TNFRSF14: variants seen among roughly 807,000 people sequenced by gnomAD.
TNFRSF14 encodes the protein TNF receptor superfamily member 14, also known as tumor necrosis factor receptor superfamily member 14.
TNFRSF14 carries 18 observed loss-of-function variants against 34.1 expected under a neutral mutation model. That is an observed-to-expected ratio of 0.53 (90% CI 0.36 to 0.78). The LOEUF (loss-of-function observed/expected upper bound fraction) is 0.78, where lower values mean the gene tolerates loss of function less well. TNFRSF14 is among the 30% of genes least tolerant of loss of function. TNFRSF14 has a pLI of 0.00. For synonymous variants in TNFRSF14, 157 were observed against 153.2 expected, an observed-to-expected ratio of 1.02 and a Z score of -0.18; for missense variants, 352 against 379.5, an observed-to-expected ratio of 0.93 and a Z score of 0.60.
intron 3 of TNFRSF14, chr1:2,558,949 AG>A: frequency 7.3e-7 from 1 of 1,365,488 alleles, no homozygotes; most frequent in South Asian, 1.2e-5. Flanking sequence ...GAGTCCAGGC[AG>A]ACAGAAAGGG....
chr1:2,558,542 C>T lies in TNFRSF14; in HGVS notation c.304+74C>T, dbSNP rs191066766. 2.2e-4 allele frequency: 349 copies of T among 1,589,920 alleles called. 1 individual carries two copies. The highest frequency in any genetic ancestry group is 3.6e-4 in the Admixed American group (19 of 53,346). On this transcript the variant is annotated intron_variant, in intron 3 of 7. Transcript: ENST00000355716. ...GCCCCCGCACCCTGCACCCTCTCTCCATGGCCACAGTGCCCCAGGAAGGCC... is the reference window on the plus strand; with the variant it reads ...GCCCCCGCACCCTGCACCCTCTCTCTATGGCCACAGTGCCCCAGGAAGGCC...
At position 2,563,464 on chromosome 1, in the gene TNFRSF14, A is replaced by C; in HGVS notation, c.*191A>C. The C allele has an allele frequency of 1.2e-6, 1 of 868,074 alleles. No homozygotes were observed. Among genetic ancestry groups the C allele is most frequent in the Non-Finnish European group, 1.7e-6 (1 of 583,832 alleles). The allele number at this position is 868,074 out of a possible 1,614,324, so 53.8% of individuals were successfully genotyped here. A position where few individuals can be genotyped will look rare whatever the true frequency, so the allele number is the denominator to read the frequency against. The stretch of plus-strand genomic sequence containing the variant: ...GCTGGGGACGCCACGTGCCATTCCC[A>C]TGGGCCAGTGAGGGCCTGGGGCCTC... On this transcript the variant is annotated 3_prime_UTR_variant, in exon 8 of 8. Coordinates refer to ENST00000355716, the MANE Select transcript of TNFRSF14 (RefSeq NM_003820.4).
upstream of TNFRSF14, chr1:2,556,343 C>T (rs1292206891): frequency 1.6e-6 from 1 of 623,108 alleles, no homozygotes; most frequent in South Asian, 1.5e-5. Flanking sequence ...AGGGGGAGAA[C>T]TCGCCCCTCC....
chr1:2,558,579 A>T (rs1644254715), intron 3 of TNFRSF14, 111 bp downstream of exon 3: 1 of 1,564,690 alleles, frequency 6.4e-7, no homozygotes, highest in Admixed American at 2.0e-5. Context: ...CGGCTGCCCC[A>T]GGCCAGGTCC....
intron 3 of TNFRSF14, chr1:2,559,587 C>T (rs1644273986): frequency 6.5e-7 from 1 of 1,531,764 alleles, no homozygotes; most frequent in Non-Finnish European, 8.7e-7. Flanking sequence ...CAACGAAGCC[C>T]TCCCAGGACC....
intron 3 of TNFRSF14, 116 bp from the exon 4 acceptor site, chr1:2,559,707 G>A (rs1216636237): frequency 2.6e-6 from 4 of 1,536,536 alleles, no homozygotes; most frequent in Non-Finnish European, 3.5e-6. Flanking sequence ...CTGAGCCAGG[G>A]GTTCAGCCTG....
chr1:2,563,511 C>T lies in TNFRSF14; in HGVS notation c.*238C>T, dbSNP rs549074881. ...CCTCTGTTCTGCTGTGGCCTGAGCT[C>T]CCCAGAGTCCTGAGGAGGAGCGCCA... is the stretch of plus-strand genomic sequence containing the variant. On this transcript the variant is annotated 3_prime_UTR_variant, in exon 8 of 8. Transcript: ENST00000355716. 5 of 564,676 alleles carry T rather than the reference C, an allele frequency of 8.9e-6. No homozygotes were observed. Among genetic ancestry groups the T allele is most frequent in the Admixed American group, 6.7e-5 (2 of 29,856 alleles). The allele number at this position is 564,676 out of a possible 1,614,324, so 35.0% of individuals were successfully genotyped here. A position where few individuals can be genotyped will look rare whatever the true frequency, so the allele number is the denominator to read the frequency against.
upstream of TNFRSF14, chr1:2,555,070 A>T (rs1278884575): frequency 2.0e-5 from 3 of 151,770 alleles, no homozygotes; most frequent in African/African-American, 7.3e-5. This position sits in a 1 kb window ranked among gnomAD's most constrained non-coding sequence, Gnocchi z 6.3. Flanking sequence ...GAAACAGCAG[A>T]TGGGGCTCCT....
At chr1:2,560,152 G>A (rs1644286411) in intron 4 of TNFRSF14, among the ~76,000 whole-genome samples, 174 bp downstream of exon 4, 1 of 152,184 alleles carries the variant, frequency 6.6e-6, no homozygotes, top group Non-Finnish European at 1.5e-5. Context: ...CAGCCCAGTG[G>A]GGAACAGGTG....
At position 2,557,728 on chromosome 1, in the gene TNFRSF14, G is replaced by T. The variant is rs11573970; in HGVS notation, c.72G>T (p.Val24=). ...STPKTDVLRL[V]LYLTFLGAPC... Reference sequence around the variant, plus strand: ...AATGCCTGTCCTGACCCCCTTAGGTGCTGTATCTCACCTTCCTGGGAGCCC... The same window carrying T: ...AATGCCTGTCCTGACCCCCTTAGGTTCTGTATCTCACCTTCCTGGGAGCCC... The change falls in exon 2 of 8, where the codon GTG becomes GTT. Residue 24 remains valine (V), a splice_region_variant and synonymous_variant. Transcript: ENST00000355716. 24 of 1,605,930 alleles carry T rather than the reference G, an allele frequency of 1.5e-5. No individual in the cohort carries two copies. In the East Asian group the frequency reaches 1.6e-4, roughly 11 times the overall value.
chr1:2,559,563 C>T (rs1644273300), intron 3 of TNFRSF14: 1 of 1,524,494 alleles, frequency 6.6e-7, no homozygotes, highest in South Asian at 1.2e-5. Context: ...GGGCAGAAGG[C>T]TGGTTTCTCC....
chr1:2,559,219 G>A, intron 3 of TNFRSF14: 1 of 1,369,984 alleles, frequency 7.3e-7, no homozygotes, highest in Non-Finnish European at 9.6e-7. Flanking sequence ...CATGTAGGCT[G>A]GGATTTGGGG....
chr1:2,556,441 C>T lies in TNFRSF14; in HGVS notation c.-224C>T, dbSNP rs1431499770. 5 of 697,724 alleles carry T rather than the reference C, an allele frequency of 7.2e-6. No homozygotes were observed. Among genetic ancestry groups the T allele is most frequent in the South Asian group, 3.0e-5 (2 of 66,724 alleles). The allele number at this position is 697,724 out of a possible 1,614,324, so 43.2% of individuals were successfully genotyped here. A position where few individuals can be genotyped will look rare whatever the true frequency, so the allele number is the denominator to read the frequency against. On this transcript the variant is annotated 5_prime_UTR_variant, in exon 1 of 8. Coordinates refer to ENST00000355716, the MANE Select transcript of TNFRSF14 (RefSeq NM_003820.4). Reference sequence around the variant, plus strand: ...CGCAGGGCCCACCTGTGTCCCCCAGCGCCGCTCCACCCAGCAGGCCTGAGC... The same window carrying T: ...CGCAGGGCCCACCTGTGTCCCCCAGTGCCGCTCCACCCAGCAGGCCTGAGC...
intron 6 of TNFRSF14, 170 bp from the exon 7 acceptor site, chr1:2,562,695 C>A (rs1018888995): frequency 2.3e-6 from 2 of 880,506 alleles, no homozygotes; most frequent in Middle Eastern, 2.7e-4. Context: ...GGCTAGCAGT[C>A]CCAACACAGT....
chr1:2,557,923 C>A, intron 2 of TNFRSF14, 89 bp downstream of exon 2: 1 of 1,099,140 alleles, frequency 9.1e-7, no homozygotes, highest in Non-Finnish European at 1.3e-6. Flanking sequence ...GTGTTCTCTG[C>A]CCCCACAGCC....
Position 2,558,820 on chromosome 1 carries a change from C to T in TNFRSF14, c.304+352C>T, listed in dbSNP as rs1644259570. On this transcript the variant is annotated intron_variant, in intron 3 of 7. Transcript: ENST00000355716. ...AGTGGAATGGGATGGTGCTGGGACTCTCCGGCCGGCACTCGGGCCTGCTGC... is the reference window on the plus strand; with the variant it reads ...AGTGGAATGGGATGGTGCTGGGACTTTCCGGCCGGCACTCGGGCCTGCTGC... 4.5e-6 allele frequency: 6 copies of T among 1,327,884 alleles called. No individual in the cohort carries two copies. In the South Asian group the frequency reaches 7.2e-5, roughly 16 times the overall value. 82.3% of individuals were successfully genotyped at this position (1,327,884 alleles called of 1,614,324 possible).
intron 6 of TNFRSF14, 198 bp from the exon 7 acceptor site, chr1:2,562,667 C>T (rs1644327628): frequency 1.4e-6 from 1 of 719,154 alleles, no homozygotes; most frequent in Non-Finnish European, 2.4e-6. Context: ...CCATGCTGGG[C>T]CTCCTGGGGA....
chr1:2,560,726 C>CG lies in TNFRSF14; in HGVS notation c.551+17dup. The CG allele has an allele frequency of 6.2e-7, 1 of 1,612,140 alleles. No homozygotes were observed. Among genetic ancestry groups the CG allele is most frequent in the Non-Finnish European group, 8.5e-7 (1 of 1,179,164 alleles). ...CAGCACCAGACCAAGTAAGTGAACC[C>CG]GGGGGAGGCCCAGCTCTGTGCCCTG... On this transcript the variant is annotated intron_variant, in intron 5 of 7. Transcript: ENST00000355716.
upstream of TNFRSF14, chr1:2,556,327 T>C (rs2227313): frequency 0.53 from 315,336 of 600,116 alleles, 85,048 homozygotes; most frequent in African/African-American, 0.7. Flanking sequence ...TGGACTGGAA[T>C]GGTGCAGGGG....
Sources: allele counts gnomAD v4.1 joint callset (sites outside exome capture counted in the v4.1 genomes callset), GRCh38; gene constraint gnomAD v4.1.1; non-coding constraint Gnocchi (gnomAD v3.1); transcripts MANE v1.5; gene names NCBI Gene and HGNC (gene_info 2026-07-23, HGNC 2026-07-21).